Variants in WWOX observed in about 807,000 individuals in gnomAD.
The protein encoded by WWOX is WW domain-containing oxidoreductase.
A neutral mutation model predicts 46.2 loss-of-function variants in WWOX; 69 were observed. That is an observed-to-expected ratio of 1.49 (90% CI 1.23 to 1.82). The LOEUF (loss-of-function observed/expected upper bound fraction) is 1.82. WWOX is among the 40% of genes most tolerant of loss of function. WWOX has a pLI of 0.00. For missense variants in WWOX, 919 were observed against 542.6 expected, an observed-to-expected ratio of 1.69 and a Z score of -6.89; for synonymous variants, 359 against 202.6, an observed-to-expected ratio of 1.77 and a Z score of -6.56.
At chr16:79,019,928 G>C (rs1271654815) in intron 8 of WWOX, among the ~76,000 whole-genome samples, 4 of 152,110 alleles carry the variant, frequency 2.6e-5, no homozygotes, top group Non-Finnish European at 5.9e-5. Context: ...TAATTCACTG[G>C]GTGACTGCAT....
chr16:78,768,462 C>T (rs1007358628), intron 8 of WWOX, among the ~76,000 whole-genome samples: 5 of 151,724 alleles, frequency 3.3e-5, no homozygotes, highest in East Asian at 1.9e-4. Context: ...TGGTGGCGCA[C>T]GCCTGTAATC....
At chr16:78,283,427 A>G (rs954858928) in intron 5 of WWOX, among the ~76,000 whole-genome samples, 14 of 152,126 alleles carry the variant, frequency 9.2e-5, no homozygotes, top group African/African-American at 3.1e-4. Context: ...CGATGGAGTC[A>G]TTTTCAAATA....
At chr16:79,052,993 G>A (rs1319457008) in intron 8 of WWOX, among the ~76,000 whole-genome samples, 1 of 150,892 alleles carries the variant, frequency 6.6e-6, no homozygotes, top group Non-Finnish European at 1.5e-5. Flanking sequence ...GGTGGGTGGA[G>A]GGTCAGAGAG....
At chr16:78,702,671 A>C (rs796459622) in intron 8 of WWOX, among the ~76,000 whole-genome samples, 19 of 151,836 alleles carry the variant, frequency 1.3e-4, no homozygotes, top group South Asian at 6.2e-4. Flanking sequence ...AAGAACAAAA[A>C]AAAAAAAAGA....
chr16:78,463,366 C>G (rs1157027165), intron 8 of WWOX, among the ~76,000 whole-genome samples: 2 of 152,124 alleles, frequency 1.3e-5, no homozygotes, highest in Admixed American at 6.5e-5. Flanking sequence ...AAAAGGATAA[C>G]CCTTGAAACC....
At chr16:78,695,427 C>T (rs773389675) in intron 8 of WWOX, among the ~76,000 whole-genome samples, 9 of 152,026 alleles carry the variant, frequency 5.9e-5, no homozygotes, top group Non-Finnish European at 7.3e-5. Context: ...TTCTGTGATT[C>T]GGGAGCACAT....
At chr16:78,828,289 G>A (rs117193408) in intron 8 of WWOX, among the ~76,000 whole-genome samples, 1,986 of 152,286 alleles carry the variant, frequency 0.013, 19 homozygotes, top group Non-Finnish European at 0.022. Flanking sequence ...GCCTTCGATG[G>A]ACCTGGGTGT....
chr16:78,602,951 C>T (rs572597822), intron 8 of WWOX, among the ~76,000 whole-genome samples: 1 of 152,178 alleles, frequency 6.6e-6, no homozygotes, highest in Non-Finnish European at 1.5e-5. Context: ...CTTTCTCTTT[C>T]CATCTCCCTG....
At chr16:78,378,455 T>C (rs2081880375) in intron 5 of WWOX, among the ~76,000 whole-genome samples, 1 of 152,160 alleles carries the variant, frequency 6.6e-6, no homozygotes, top group South Asian at 2.1e-4. Context: ...CATTTTCCAG[T>C]GAAGATGCGA....
At chr16:78,906,076 T>A (rs1251434601) in intron 8 of WWOX, among the ~76,000 whole-genome samples, 2 of 152,232 alleles carry the variant, frequency 1.3e-5, no homozygotes, top group East Asian at 3.9e-4. Flanking sequence ...GTATTTTGTC[T>A]TCTTGGTTAG....
At chr16:78,556,646 C>T (rs1035348941) in intron 8 of WWOX, among the ~76,000 whole-genome samples, 34 of 152,118 alleles carry the variant, frequency 2.2e-4, no homozygotes, top group Admixed American at 1.4e-3. Flanking sequence ...CCAAACGTAC[C>T]GGTGTGTGAT....
chr16:78,712,933 C>T (rs1330125611), intron 8 of WWOX, among the ~76,000 whole-genome samples: 3 of 151,954 alleles, frequency 2.0e-5, no homozygotes, highest in Non-Finnish European at 4.4e-5. Context: ...AAATATTATT[C>T]AGAGGTCTCA....
At chr16:78,501,666 A>G (rs2085072896) in intron 8 of WWOX, among the ~76,000 whole-genome samples, 1 of 151,854 alleles carries the variant, frequency 6.6e-6, no homozygotes, top group Non-Finnish European at 1.5e-5. Flanking sequence ...CCTTCCGAGT[A>G]ACTAGGATTA....
rs188242594 is a variant in WWOX, at chr16:78,202,603, A to G, written c.516+38314A>G. Among the ~76,000 whole-genome samples, 4 of 152,306 alleles carry G rather than the reference A, an allele frequency of 2.6e-5. No individual in the cohort carries two copies. The East Asian group carries it at 7.7e-4, about 29-fold the overall frequency. ...GTAAGTGCATGTATTTCAGCTTTTA[A>G]CATTTTAAAAATAAAATTTCATTGG... On this transcript the variant is annotated intron_variant, in intron 5 of 8. Transcript: ENST00000566780.
At chr16:78,626,071 A>C (rs994200526) in intron 8 of WWOX, among the ~76,000 whole-genome samples, 2 of 151,882 alleles carry the variant, frequency 1.3e-5, no homozygotes, top group Non-Finnish European at 2.9e-5. Context: ...GTTTTTAAAA[A>C]ATTTTTTACC....
intron 8 of WWOX, among the ~76,000 whole-genome samples, chr16:78,810,366 G>A (rs1326887530): frequency 6.6e-6 from 1 of 152,176 alleles, no homozygotes; most frequent in Non-Finnish European, 1.5e-5. Flanking sequence ...TATTTATGTG[G>A]ACACATGCAG....
At chr16:79,024,271 C>A (rs2047592941) in intron 8 of WWOX, among the ~76,000 whole-genome samples, 1 of 152,034 alleles carries the variant, frequency 6.6e-6, no homozygotes, top group Non-Finnish European at 1.5e-5. Context: ...TTTATTTATT[C>A]TTTTAGGGAC....
At chr16:78,862,926 A>C (rs1403755928) in intron 8 of WWOX, among the ~76,000 whole-genome samples, 1 of 151,800 alleles carries the variant, frequency 6.6e-6, no homozygotes, top group African/African-American at 2.4e-5. Flanking sequence ...TCAAGTGGAC[A>C]CATACAATTA....
intron 5 of WWOX, among the ~76,000 whole-genome samples, chr16:78,166,480 T>G (rs1224359674): frequency 6.6e-6 from 1 of 152,234 alleles, no homozygotes; most frequent in African/African-American, 2.4e-5. Context: ...AGCACTGGAC[T>G]CCTTGATTCA....
Sources: gnomAD v4.1 joint callset for allele counts (sites outside exome capture counted in the v4.1 genomes callset) on GRCh38, gnomAD v4.1.1 for gene constraint, MANE v1.5 for transcripts, NCBI Gene and HGNC (gene_info 2026-07-23, HGNC 2026-07-21) for gene names.